The following ASB5 variants were observed in gnomAD, a reference collection of about 807,000 sequenced individuals.
ASB5 encodes ankyrin repeat and SOCS box containing 5.
In ASB5, 45 loss-of-function variants were observed where a neutral mutation model predicts 42.1. The ratio of observed to expected loss-of-function variants is 1.07; its 90% CI spans 0.84 to 1.37. The LOEUF (loss-of-function observed/expected upper bound fraction) is 1.37, where lower values mean the gene tolerates loss of function less well. ASB5 is among the 40% of genes most tolerant of loss of function. The pLI is 0.00. For synonymous variants in ASB5, 147 were observed against 150.6 expected (o/e 0.98, Z 0.18); for missense variants, 402 against 399.8 (o/e 1.01, Z -0.05).
chr4:176,248,822 G>C (rs956647772), intron 1 of ASB5, among the ~76,000 whole-genome samples: 2 of 152,090 alleles, frequency 1.3e-5, no homozygotes, highest in Admixed American at 6.5e-5. Context: ...ACTAAAGAAA[G>C]GCAAGAAAAT....
chr4:176,219,691 C>G (rs1230813895), intron 5 of ASB5, among the ~76,000 whole-genome samples: 1 of 146,092 alleles, frequency 6.8e-6, no homozygotes, highest in Non-Finnish European at 1.5e-5. Flanking sequence ...CTCAGCCTCT[C>G]GAGCAGCTGG....
At chr4:176,256,830 A>G (rs1754166315) in intron 1 of ASB5, among the ~76,000 whole-genome samples, 1 of 151,998 alleles carries the variant, frequency 6.6e-6, no homozygotes, top group Admixed American at 6.6e-5. Flanking sequence ...TCCCAGCTAC[A>G]TGGGGGGCTG....
intron 1 of ASB5, among the ~76,000 whole-genome samples, chr4:176,268,357 A>G (rs560908658): frequency 7.9e-5 from 12 of 152,320 alleles, no homozygotes; most frequent in African/African-American, 2.9e-4. Context: ...GAGCAGTAAC[A>G]ATTCCATCAG....
chr4:176,228,515 A>C (rs1753439734), intron 1 of ASB5, among the ~76,000 whole-genome samples: 1 of 152,224 alleles, frequency 6.6e-6, no homozygotes, highest in African/African-American at 2.4e-5. Context: ...TAACAGATAT[A>C]AGTTTCCATC....
At chr4:176,229,898 A>G (rs1415039475) in intron 1 of ASB5, among the ~76,000 whole-genome samples, 1 of 152,160 alleles carries the variant, frequency 6.6e-6, no homozygotes, top group Non-Finnish European at 1.5e-5. Flanking sequence ...GCAATCTCTC[A>G]CTATTCCTTG....
At chr4:176,235,427 T>C (rs1428339006) in intron 1 of ASB5, among the ~76,000 whole-genome samples, 4 of 152,192 alleles carry the variant, frequency 2.6e-5, no homozygotes, top group South Asian at 2.1e-4. Flanking sequence ...AATCATAGTG[T>C]TTGTAAGGTT....
chr4:176,241,378 C>T (rs1753807677), intron 1 of ASB5: 1 of 1,128,882 alleles, frequency 8.9e-7, no homozygotes, highest in South Asian at 1.6e-5. Flanking sequence ...AATGTTTACT[C>T]CAAAATTACT....
rs550559054 is a variant in ASB5, at chr4:176,245,840, T to A, written c.197-20499A>T. 7.2e-5 allele frequency among the ~76,000 whole-genome samples: 11 copies of A among 152,138 alleles called. 1 individual carries two copies. In the South Asian group the frequency reaches 1.7e-3, roughly 23 times the overall value. ...GCATATTCTTATTCTTCGGTGGGAA[T>A]TGAACAATGAGAACACTTGAATACA... On this transcript the variant is annotated intron_variant, in intron 1 of 6. Coordinates refer to ENST00000296525, the MANE Select transcript of ASB5 (RefSeq NM_080874.4).
chr4:176,217,718 TGCTGGTCATTCAA>T (rs1472434008), intron 5 of ASB5, among the ~76,000 whole-genome samples: 2 of 152,114 alleles, frequency 1.3e-5, no homozygotes, highest in Non-Finnish European at 2.9e-5. Context: ...GCCTGGCACA[TGCTGGTCATTCAA>T]TGCATTTGCA....
chr4:176,255,829 C>G (rs1202555141), intron 1 of ASB5, among the ~76,000 whole-genome samples: 1 of 152,144 alleles, frequency 6.6e-6, no homozygotes, highest in African/African-American at 2.4e-5. Flanking sequence ...ACCCAGGTAA[C>G]AAACCTGTAT....
intron 2 of ASB5, among the ~76,000 whole-genome samples, chr4:176,225,027 A>G (rs1442550854): frequency 6.6e-6 from 1 of 152,222 alleles, no homozygotes; most frequent in African/African-American, 2.4e-5. Context: ...ATGTCTATCG[A>G]TGAACAAATA....
chr4:176,247,154 A>G (rs1560815820), intron 1 of ASB5, among the ~76,000 whole-genome samples: 1 of 152,160 alleles, frequency 6.6e-6, no homozygotes, highest in Admixed American at 6.5e-5. Flanking sequence ...AGATCTCCCC[A>G]GGAGACGATA....
At chr4:176,242,915 C>T (rs754726248) in intron 1 of ASB5, among the ~76,000 whole-genome samples, 1 of 152,020 alleles carries the variant, frequency 6.6e-6, no homozygotes, top group East Asian at 1.9e-4. Flanking sequence ...GTTATATGTT[C>T]CCTATCAGAG....
rs560650105 is a variant in ASB5, at chr4:176,264,519, A to G, written c.196+4394T>C. 9.8e-5 allele frequency among the ~76,000 whole-genome samples: 15 copies of G among 152,334 alleles called. No homozygotes were observed. In the South Asian group the frequency reaches 2.9e-3, roughly 29 times the overall value. On this transcript the variant is annotated intron_variant, in intron 1 of 6. Coordinates refer to ENST00000296525, the MANE Select transcript of ASB5 (RefSeq NM_080874.4). ...GAAGCCTTGGTGTTTAAAAATATAA[A>G]TTGGAATGAAAAGAATACATTAAAT...
upstream of ASB5, among the ~76,000 whole-genome samples, chr4:176,270,059 T>A (rs546403573): frequency 7.9e-5 from 12 of 152,314 alleles, no homozygotes; most frequent in African/African-American, 2.6e-4. Context: ...ATGAAATGCA[T>A]CTGTATATAG....
chr4:176,271,311 G>A (rs1230557207), upstream of ASB5, among the ~76,000 whole-genome samples: 2 of 152,118 alleles, frequency 1.3e-5, no homozygotes, highest in African/African-American at 2.4e-5. Flanking sequence ...ATTAGATGCT[G>A]TATTTTTCAT....
chr4:176,222,459 A>G (rs1397850865), intron 2 of ASB5, 39 bp from the exon 3 acceptor site: 1 of 1,512,000 alleles, frequency 6.6e-7, no homozygotes, highest in Non-Finnish European at 9.1e-7. Context: ...GCAAAGAGTT[A>G]TATACTTAAA....
rs564390793 is a variant in ASB5 at position 176,263,801 on chromosome 4, A to G, written c.196+5112T>C. The stretch of plus-strand genomic sequence containing the variant: ...AGGAAACAAGTTGCTCCTCAGAAAC[A>G]GGTATAGAGAATACTACTGCTTCTA... On this transcript the variant is annotated intron_variant, in intron 1 of 6. Coordinates refer to ENST00000296525, the MANE Select transcript of ASB5 (RefSeq NM_080874.4). Among the ~76,000 whole-genome samples the G allele has an allele frequency of 3.3e-5, 5 of 152,350 alleles. No individual in the cohort carries two copies. In the South Asian group the frequency reaches 6.2e-4, roughly 19 times the overall value.
upstream of ASB5, among the ~76,000 whole-genome samples, chr4:176,273,110 C>T (rs1754501377): frequency 6.6e-6 from 1 of 151,910 alleles, no homozygotes; most frequent in Non-Finnish European, 1.5e-5. Context: ...CCACTGTGCC[C>T]AGCCCTTTAA....
Sources: allele counts gnomAD v4.1 joint callset (sites outside exome capture counted in the v4.1 genomes callset), GRCh38; gene constraint gnomAD v4.1.1; transcripts MANE v1.5; gene names NCBI Gene and HGNC (gene_info 2026-07-23, HGNC 2026-07-21).